SORCS1: variants seen among roughly 807,000 people sequenced by gnomAD.
SORCS1 encodes the protein sortilin related VPS10 domain containing receptor 1.
A neutral mutation model predicts 146.1 loss-of-function variants in SORCS1; 60 were observed. The observed-to-expected ratio is 0.41, with a 90% confidence interval of 0.33 to 0.51. The LOEUF (loss-of-function observed/expected upper bound fraction) is 0.51, where lower values mean the gene tolerates loss of function less well. Among genes scored for constraint, SORCS1 ranks in the 20% least tolerant of loss-of-function variants. The pLI is 0.21. For missense variants in SORCS1, 1,352 were observed against 1,487.6 expected (o/e 0.91, Z 1.50); for synonymous variants, 637 against 584.0 (o/e 1.09, Z -1.31).
the SORCS1 span, among the ~76,000 whole-genome samples, chr10:107,174,621 A>T: frequency 5.3e-5 from 8 of 152,144 alleles, no homozygotes; most frequent in African/African-American, 1.9e-4. Context: ...AACAAAATTA[A>T]TTTTATATTG....
intron 2 of SORCS1, among the ~76,000 whole-genome samples, chr10:106,891,501 A>ATTTTTTTTTTTTTTTTTTTTTTTTTTT (rs562213104): frequency 3.8e-4 from 28 of 74,082 alleles, no homozygotes; most frequent in Middle Eastern, 5.7e-3. Flanking sequence ...TTCAATGGGA[A>ATTTTTTTTTTTTTTTTTTTTTTTTTTT]TTCTTTTTTT....
chr10:106,831,988 T>C (rs560351279), intron 2 of SORCS1, among the ~76,000 whole-genome samples: 4 of 152,218 alleles, frequency 2.6e-5, no homozygotes, highest in African/African-American at 9.6e-5. Context: ...AGCTTGATAG[T>C]CAAGAATATT....
At chr10:107,001,965 C>A (rs1957241162) in intron 1 of SORCS1, among the ~76,000 whole-genome samples, 2 of 152,096 alleles carry the variant, frequency 1.3e-5, no homozygotes, top group African/African-American at 4.8e-5. Flanking sequence ...ATTTTCCTTT[C>A]CTTTGGGTTC....
chr10:107,059,216 A>AT (rs1474799573), intron 1 of SORCS1, among the ~76,000 whole-genome samples: 9 of 152,180 alleles, frequency 5.9e-5, no homozygotes, highest in African/African-American at 2.2e-4. Flanking sequence ...AACAAGCTCA[A>AT]AACAAGGGAC....
At chr10:106,976,169 C>A (rs1270714300) in intron 1 of SORCS1, among the ~76,000 whole-genome samples, 1 of 147,824 alleles carries the variant, frequency 6.8e-6, no homozygotes, top group Non-Finnish European at 1.5e-5. Flanking sequence ...CTCCATGAAG[C>A]CTTCCCAACC....
intron 1 of SORCS1, among the ~76,000 whole-genome samples, chr10:107,001,369 T>C (rs534335704): frequency 1.3e-5 from 2 of 152,246 alleles, no homozygotes; most frequent in East Asian, 3.9e-4. Context: ...TCAGACCAAT[T>C]ACTCCAACAT....
At chr10:106,951,573 TAC>T in intron 2 of SORCS1, among the ~76,000 whole-genome samples, 1 of 150,124 alleles carries the variant, frequency 6.7e-6, no homozygotes, top group African/African-American at 2.4e-5. Context: ...TTGATCTAGG[TAC>T]ACACACACCT....
intron 2 of SORCS1, among the ~76,000 whole-genome samples, chr10:106,910,283 TTGTGTGTGTG>T (rs141789814): frequency 0.04 from 5,834 of 146,112 alleles, 149 homozygotes; most frequent in Middle Eastern, 0.066. Flanking sequence ...TCTCTTTACA[TTGTGTGTGTG>T]TGTGTGTGTG....
At chr10:106,604,057 T>C (rs1291884303) in intron 23 of SORCS1, among the ~76,000 whole-genome samples, 3 of 152,160 alleles carry the variant, frequency 2.0e-5, no homozygotes, top group Non-Finnish European at 4.4e-5. Flanking sequence ...ATTGGGTTGA[T>C]AAACTGGCTA....
chr10:106,636,025 G>A (rs763387365), intron 18 of SORCS1, among the ~76,000 whole-genome samples: 15 of 152,158 alleles, frequency 9.9e-5, no homozygotes, highest in South Asian at 4.1e-4. Flanking sequence ...GTACCCTGGC[G>A]TGCAGAGAAG....
At chr10:107,088,539 A>G (rs945441142) in intron 1 of SORCS1, among the ~76,000 whole-genome samples, 5 of 152,182 alleles carry the variant, frequency 3.3e-5, no homozygotes, top group Non-Finnish European at 7.3e-5. Context: ...GCAAATGGAT[A>G]CGGCAGGCCA....
intron 1 of SORCS1, among the ~76,000 whole-genome samples, chr10:107,034,482 C>A (rs548206708): frequency 6.6e-6 from 1 of 151,708 alleles, no homozygotes; most frequent in South Asian, 2.1e-4. Flanking sequence ...GAGTTTGAGA[C>A]CAGCCTGGCC....
At chr10:107,021,774 C>A (rs11193170) in intron 1 of SORCS1, among the ~76,000 whole-genome samples, 40,886 of 151,978 alleles carry the variant, frequency 0.27, 6,545 homozygotes, top group Admixed American at 0.37. Flanking sequence ...AACTTTTTCA[C>A]TAGCCTGATC....
At chr10:107,157,712 G>A (rs1199691598) in intron 1 of SORCS1, among the ~76,000 whole-genome samples, 7 of 151,960 alleles carry the variant, frequency 4.6e-5, no homozygotes, top group Non-Finnish European at 8.8e-5. Flanking sequence ...CATTCTAAAC[G>A]TTGCACTCTA....
At chr10:106,804,182 T>C (rs1308368883) in intron 3 of SORCS1, among the ~76,000 whole-genome samples, 4 of 152,160 alleles carry the variant, frequency 2.6e-5, no homozygotes, top group African/African-American at 9.6e-5. Flanking sequence ...GAGGAGAGTG[T>C]GCTTGGGGAC....
chr10:107,012,497 T>C (rs559486978), intron 1 of SORCS1, among the ~76,000 whole-genome samples: 1 of 152,332 alleles, frequency 6.6e-6, no homozygotes, highest in South Asian at 2.1e-4. Flanking sequence ...ACTTTTTATA[T>C]ATTAACTTTT....
intron 2 of SORCS1, among the ~76,000 whole-genome samples, chr10:106,954,319 A>C (rs372184258): frequency 6.6e-6 from 1 of 152,254 alleles, no homozygotes; most frequent in Admixed American, 6.5e-5. Context: ...GATCCATTAG[A>C]GAAATCTATC....
chr10:106,778,928 C>T (rs545262167), intron 3 of SORCS1, among the ~76,000 whole-genome samples: 1 of 152,222 alleles, frequency 6.6e-6, no homozygotes, highest in South Asian at 2.1e-4. Context: ...AGAATATTCC[C>T]AAAGCAAGCT....
rs774753201 is a variant in SORCS1 at position 106,829,599 on chromosome 10, T to C, written c.701A>G (p.Tyr234Cys). ...VGLKTILSYLYVCPTNKRKIM... is the reference protein window; with the variant it reads ...VGLKTILSYLCVCPTNKRKIM... ...CTTACGCTTGTTGGTAGGACACACA[T>C]AGAGATAGCTCAAAATGGTTTTCAA... Residue 234 changes from tyrosine to cysteine, a missense_variant, in exon 3 of 26, where the codon TAT (tyrosine) becomes TGT (cysteine). By Grantham distance (194) the Tyr-to-Cys change is radical. Transcript: ENST00000263054. 3.1e-6 allele frequency: 5 copies of C among 1,604,478 alleles called. No individual in the cohort carries two copies. Among genetic ancestry groups the C allele is most frequent in the Non-Finnish European group, 4.3e-6 (5 of 1,172,504 alleles).
Sources: allele counts gnomAD v4.1 joint callset (sites outside exome capture counted in the v4.1 genomes callset), GRCh38; gene constraint gnomAD v4.1.1; transcripts MANE v1.5; gene names NCBI Gene and HGNC (gene_info 2026-07-23, HGNC 2026-07-21).